RHOT2: variants seen among roughly 807,000 people sequenced by gnomAD.
RHOT2 encodes ras homolog family member T2.
RHOT2 carries 90 observed loss-of-function variants against 81.6 expected under a neutral mutation model. That is an observed-to-expected ratio of 1.10 (90% CI 0.93 to 1.31). The LOEUF is 1.31. Among genes scored for constraint, RHOT2 ranks in the 40% most tolerant of loss-of-function variants. The pLI, the probability that RHOT2 is intolerant of heterozygous loss-of-function variation, is 0.00. For synonymous variants in RHOT2, 512 were observed against 370.9 expected (o/e 1.38, Z -4.37); for missense variants, 1,014 against 841.9 (o/e 1.20, Z -2.53).
At position 670,970 on chromosome 16, in the gene RHOT2, G is replaced by T; in HGVS notation, c.718G>T (p.Gly240Cys). The change falls in exon 10 of 19, where the codon GGC becomes TGC. Residue 240 changes from glycine to cysteine, a missense_variant. By Grantham distance (159) the Gly-to-Cys change is radical. Transcript: ENST00000315082. ...KTVVCRNVAG[G>C]VREDRLTLDG... is the part of the protein sequence containing the mutation. ...GGTGGTGTGCAGGAACGTGGCGGGCGGCGTGCGGGAGGACCGGCTGACCCT... is the reference window on the plus strand; with the variant it reads ...GGTGGTGTGCAGGAACGTGGCGGGCTGCGTGCGGGAGGACCGGCTGACCCT... 3 of 1,568,806 alleles carry T rather than the reference G, an allele frequency of 1.9e-6. No individual in the cohort carries two copies. The highest frequency in any genetic ancestry group is 1.7e-6 in the Non-Finnish European group (2 of 1,156,554).
In RHOT2 at chr16:672,737, C is replaced by T. The variant is rs756421797; in HGVS notation, c.1439C>T (p.Thr480Ile). ...GTGGGCACAGATGGTCTGCTGGCCA[C>T]ATCGCTGGACGCCACCTGTGACGTT... ...CEVGTDGLLA[T>I]SLDATCDVAC... The change falls in exon 17 of 19, where the codon ACA becomes ATA. Residue 480 changes from threonine to isoleucine, a missense_variant. By Grantham distance (89) the Thr-to-Ile change is moderately conservative. Transcript: ENST00000315082. 6.2e-7 allele frequency: 1 copy of T among 1,612,414 alleles called. No homozygotes were observed. Among genetic ancestry groups the T allele is most frequent in the African/African-American group, 1.3e-5 (1 of 74,936 alleles).
At chr16:668,905 G>C in intron 4 of RHOT2, 1 of 546,806 alleles carries the variant, frequency 1.8e-6, no homozygotes, top group South Asian at 2.6e-5. Context: ...AGGGATAACA[G>C]GACCCTTCCC....
intron 8 of RHOT2, 33 bp downstream of exon 8, chr16:670,590 C>G (rs2038753974): frequency 1.9e-6 from 3 of 1,595,986 alleles, no homozygotes; most frequent in East Asian, 4.5e-5. Context: ...CACGCTGGTT[C>G]CCCAGGGGCC....
At position 673,761 on chromosome 16, in the gene RHOT2, G is replaced by T; in HGVS notation, c.*155G>T. ...TTCTGAAGGCAGTCGATCTGCAGCG[G>T]GGCCTTATGCTGCCATGCACTGCCC... On this transcript the variant is annotated 3_prime_UTR_variant, in exon 19 of 19. Transcript: ENST00000315082. 1.1e-6 allele frequency: 1 copy of T among 934,178 alleles called. No individual in the cohort carries two copies. Among genetic ancestry groups the T allele is most frequent in the East Asian group, 2.7e-5 (1 of 37,464 alleles). 57.9% of individuals were successfully genotyped at this position (934,178 alleles called of 1,614,324 possible).
At position 670,420 on chromosome 16, in the gene RHOT2, C is replaced by T. The variant is rs148283014; in HGVS notation, c.439-36C>T. ...TTGTGTTCTCAGTCGGTGCCCTCCT[C>T]GGGGCACTTCCCTGAGGCTGTTCCC... is the stretch of plus-strand genomic sequence containing the variant. On this transcript the variant is annotated intron_variant, in intron 7 of 18. Transcript: ENST00000315082. The T allele has an allele frequency of 3.8e-4, 604 of 1,605,996 alleles. 3 individuals are homozygous for T. The African/African-American group carries it at 6.6e-3, about 18-fold the overall frequency.
In RHOT2 at chr16:674,078, A is replaced by C. The variant is rs1204404846; in HGVS notation, c.*472A>C. 9.1e-6 allele frequency: 2 copies of C among 220,860 alleles called. No homozygotes were observed. The highest frequency in any genetic ancestry group is 1.9e-5 in the Non-Finnish European group (2 of 105,102). 13.7% of individuals were successfully genotyped at this position (220,860 alleles called of 1,614,324 possible). A position where few individuals can be genotyped will look rare whatever the true frequency, so the allele number is the denominator to read the frequency against. ...TTGGAGCCGTTTCCGTGGTTGTAGC[A>C]GAGGACCGGAGGTTGGGTTCCTGAT... On this transcript the variant is annotated 3_prime_UTR_variant, in exon 19 of 19. Coordinates refer to ENST00000315082, the MANE Select transcript of RHOT2 (RefSeq NM_138769.3).
chr16:672,943 G>A lies in RHOT2; in HGVS notation c.1543G>A (p.Gly515Arg), dbSNP rs753029676. The A allele has an allele frequency of 7.2e-5, 116 of 1,612,666 alleles. 3 individuals carry two copies. The South Asian group carries it at 1.0e-3, about 14-fold the overall frequency. Residue 515 changes from glycine to arginine, a missense_variant, in exon 18 of 19, where the codon GGG becomes AGG. Coordinates refer to ENST00000315082, the MANE Select transcript of RHOT2 (RefSeq NM_138769.3). ...ASVYKHHYMD[G>R]QTPCLFVSSK... ...CTGCCCACAGCACCATTACATGGAC[G>A]GGCAGACCCCCTGCCTCTTTGTCTC...
intron 1 of RHOT2, 43 bp from the exon 2 acceptor site, chr16:668,310 G>C (rs1172974478): frequency 2.4e-6 from 3 of 1,263,296 alleles, no homozygotes; most frequent in Non-Finnish European, 2.0e-6. Context: ...GTCGGGGGGC[G>C]CCGTGACCTT....
intron 8 of RHOT2, 32 bp downstream of exon 8, chr16:670,589 TCCCCAGGGGCC>T: frequency 6.3e-7 from 1 of 1,595,314 alleles, no homozygotes; most frequent in South Asian, 1.1e-5. Context: ...GCACGCTGGT[TCCCCAGGGGCC>T]CAGGGGGTGC....
chr16:671,816 G>A (rs775986937), intron 12 of RHOT2, 35 bp downstream of exon 12: 18 of 573,980 alleles, frequency 3.1e-5, no homozygotes, highest in African/African-American at 8.0e-5. Flanking sequence ...CCCTGCCCCC[G>A]CCCCCTCCCC....
At chr16:669,760 T>C in intron 5 of RHOT2, 154 bp downstream of exon 5, 2 of 740,174 alleles carry the variant, frequency 2.7e-6, no homozygotes, top group South Asian at 3.3e-5. Context: ...GGCCCTCTCC[T>C]GTGATCCCAC....
At chr16:668,126 G>C (rs145507268), upstream of RHOT2, 7 of 417,934 alleles carry the variant, frequency 1.7e-5, no homozygotes, top group South Asian at 5.3e-4. Context: ...GGGCGGGCGC[G>C]GGGGCAGAGC....
At chr16:669,373 G>T in intron 4 of RHOT2, 180 bp from the exon 5 acceptor site, 1 of 635,170 alleles carries the variant, frequency 1.6e-6, no homozygotes. Flanking sequence ...TGCCTGCTCT[G>T]CCAACACCAG....
In RHOT2 at chr16:673,024, T is replaced by A; in HGVS notation, c.1624T>A (p.Phe542Ile). ...GGTGTCTGGCCCATCACCGGCCGAG[T>A]TTTGCCGCAAGCACCGGCTACCCGC... is the stretch of plus-strand genomic sequence containing the variant. ...VAVSGPSPAE[F>I]CRKHRLPAPV... The change falls in exon 18 of 19, where the codon TTT (phenylalanine) becomes ATT (isoleucine). Residue 542 changes from phenylalanine to isoleucine, a missense_variant. Transcript: ENST00000315082. 1 of 1,612,032 alleles carries A rather than the reference T, an allele frequency of 6.2e-7. No homozygotes were observed. Among genetic ancestry groups the A allele is most frequent in the Non-Finnish European group, 8.5e-7 (1 of 1,179,874 alleles).
chr16:668,602 G>T (rs1555465815), intron 3 of RHOT2, 33 bp downstream of exon 3: 2 of 1,609,092 alleles, frequency 1.2e-6, no homozygotes, highest in Admixed American at 1.7e-5. Flanking sequence ...GGCCCGGCCC[G>T]CAGCGGTCCG....
In RHOT2 at chr16:672,748, G is replaced by A. The variant is rs758321699; in HGVS notation, c.1450G>A (p.Ala484Thr). 2.7e-5 allele frequency: 43 copies of A among 1,612,524 alleles called. No homozygotes were observed. The highest frequency in any genetic ancestry group is 6.6e-5 in the South Asian group (6 of 91,080). Reference protein sequence around the residue: ...TDGLLATSLDATCDVACLMFD... With the variant: ...TDGLLATSLDTTCDVACLMFD... ...TGGTCTGCTGGCCACATCGCTGGAC[G>A]CCACCTGTGACGTTGCCTGCTTGAT... Residue 484 changes from alanine (A) to threonine (T), a missense_variant, in exon 17 of 19, where the codon GCC becomes ACC. By Grantham distance (58) the Ala-to-Thr change is moderately conservative. Transcript: ENST00000315082.
chr16:671,759 G>C lies in RHOT2; in HGVS notation c.932G>C (p.Arg311Thr). The change falls in exon 12 of 19, where the codon AGA becomes ACA. Residue 311 changes from arginine to threonine, a missense_variant. By Grantham distance (71) the Arg-to-Thr change is moderately conservative (BLOSUM62 -1). Transcript: ENST00000315082. ...LNHLGYQFVQ[R>T]VFEKHDQDRD... is the part of the protein sequence containing the mutation. ...CACCTTGGCTACCAGTTTGTGCAGA[G>C]AGTGTTTGAGAAGCACGACCAGGTG... 6.2e-7 allele frequency: 1 copy of C among 1,612,380 alleles called. No individual in the cohort carries two copies. The highest frequency in any genetic ancestry group is 8.5e-7 in the Non-Finnish European group (1 of 1,179,732).
At position 668,536 on chromosome 16, in the gene RHOT2, G is replaced by T; in HGVS notation, c.145G>T (p.Glu49Ter). 1 of 1,610,540 alleles carries T rather than the reference G, an allele frequency of 6.2e-7. No individual in the cohort carries two copies. Among genetic ancestry groups the T allele is most frequent in the Non-Finnish European group, 8.5e-7 (1 of 1,179,084 alleles). The change falls in exon 3 of 19, where the codon GAG becomes TAG. Residue 49 changes from glutamate (E) to a stop codon, truncating the protein, a stop_gained. Coordinates refer to ENST00000315082, the MANE Select transcript of RHOT2 (RefSeq NM_138769.3). LOFTEE classifies it high-confidence loss of function. ...CACCATCCCCGCGGACGTCACCCCG[G>T]AGAAGGTGCCCACCCACATCGTGGA... ...EITIPADVTP[E>*]KVPTHIVDYS...
Position 668,175 on chromosome 16 carries a change from C to T in RHOT2, c.-25C>T, listed in dbSNP as rs1352242463. 2 of 456,762 alleles carry T rather than the reference C, an allele frequency of 4.4e-6. No individual in the cohort carries two copies. Among genetic ancestry groups the T allele is most frequent in the East Asian group, 3.3e-5 (1 of 30,448 alleles). The allele number at this position is 456,762 out of a possible 1,614,324, so 28.3% of individuals were successfully genotyped here. On this transcript the variant is annotated 5_prime_UTR_variant, in exon 1 of 19. Transcript: ENST00000315082. The stretch of plus-strand genomic sequence containing the variant: ...ACCAGGTCGGGGCCGGGTTCCGGGT[C>T]GGGGAGCGGCTCCGGGCGGCAGCTA...
Sources: allele counts gnomAD v4.1 joint callset, GRCh38; gene constraint gnomAD v4.1.1; transcripts MANE v1.5; gene names NCBI Gene and HGNC (gene_info 2026-07-23, HGNC 2026-07-21).